BRD9: variants seen among roughly 807,000 people sequenced by gnomAD.
BRD9 encodes bromodomain-containing protein 9.
BRD9 carries 47 observed loss-of-function variants against 68.7 expected under a neutral mutation model. That is an observed-to-expected ratio of 0.68 (90% CI 0.54 to 0.87). The LOEUF is 0.87. Among genes scored for constraint, BRD9 ranks in the 40% least tolerant of loss-of-function variants. The pLI, the probability that BRD9 is intolerant of heterozygous loss-of-function variation, is 0.00. For missense variants in BRD9, 670 were observed against 748.4 expected (o/e 0.90, Z 1.22); for synonymous variants, 313 against 293.9 (o/e 1.06, Z -0.67).
At chr5:883,522 G>A (rs74834167) in intron 8 of BRD9, 37,431 of 437,810 alleles carry the variant, frequency 0.085, 2,530 homozygotes, top group Admixed American at 0.19. Flanking sequence ...CAGGAGCCAC[G>A]TGAACACAGT....
intron 8 of BRD9, 28 bp downstream of exon 8, chr5:883,910 C>A (rs754501994): frequency 6.2e-7 from 1 of 1,602,840 alleles, no homozygotes; most frequent in African/African-American, 1.3e-5. Context: ...CCACGTGGCA[C>A]CCTCTCTCGG....
intron 14 of BRD9, among the ~76,000 whole-genome samples, chr5:867,807 A>G (rs1476555344): frequency 6.6e-6 from 1 of 152,240 alleles, no homozygotes; most frequent in Non-Finnish European, 1.5e-5. Flanking sequence ...GGCAGAAGTA[A>G]CTTGCCTTGT....
intron 11 of BRD9, 76 bp downstream of exon 11, chr5:878,279 G>A (rs1751270953): frequency 2.5e-6 from 4 of 1,587,736 alleles, no homozygotes; most frequent in African/African-American, 1.3e-5. Flanking sequence ...CCGCACACAT[G>A]TGGGACTCCA....
At chr5:883,782 C>T (rs897271356) in intron 8 of BRD9, 156 bp downstream of exon 8, 4 of 1,067,800 alleles carry the variant, frequency 3.7e-6, no homozygotes, top group Admixed American at 2.5e-5. Context: ...AGAGACCAGC[C>T]TTATGTGTGT....
At chr5:884,845 C>T (rs955686393) in intron 7 of BRD9, among the ~76,000 whole-genome samples, 1 of 152,274 alleles carries the variant, frequency 6.6e-6, no homozygotes, top group Admixed American at 6.5e-5. Context: ...TCCACTCAGG[C>T]ACCTGCGTGA....
intron 3 of BRD9, 178 bp from the exon 4 acceptor site, chr5:889,825 G>C: frequency 1.5e-6 from 2 of 1,359,548 alleles, no homozygotes; most frequent in Non-Finnish European, 9.9e-7. Flanking sequence ...CAGCCGGGTA[G>C]AAAGGGCACC....
chr5:892,415 G>T (rs1244396828), intron 1 of BRD9, 191 bp downstream of exon 1: 6 of 1,285,230 alleles, frequency 4.7e-6, no homozygotes, highest in Non-Finnish European at 6.1e-6. Flanking sequence ...GAACGTAAGC[G>T]CCTACCCAGG....
chr5:868,236 A>G (rs1459633244), intron 14 of BRD9, among the ~76,000 whole-genome samples: 1 of 152,180 alleles, frequency 6.6e-6, no homozygotes, highest in Non-Finnish European at 1.5e-5. Flanking sequence ...CATGCCTCCC[A>G]AACAGCCTGA....
chr5:875,793 T>C (rs1364387844), intron 12 of BRD9, among the ~76,000 whole-genome samples: 2 of 152,206 alleles, frequency 1.3e-5, no homozygotes, highest in Non-Finnish European at 2.9e-5. Flanking sequence ...TGCTGAGAGA[T>C]CACTGTCAGT....
intron 1 of BRD9, 94 bp downstream of exon 1, chr5:892,512 G>T (rs1422881888): frequency 8.1e-6 from 12 of 1,487,404 alleles, no homozygotes; most frequent in Non-Finnish European, 1.8e-6. Flanking sequence ...CCAGGACCTC[G>T]CCCGGTGCCC....
intron 2 of BRD9, 160 bp from the exon 3 acceptor site, chr5:891,447 G>A: frequency 7.5e-7 from 1 of 1,330,212 alleles, no homozygotes; most frequent in Non-Finnish European, 1.0e-6. Flanking sequence ...GACCCTGGCA[G>A]GGTCTGCTGA....
chr5:871,660 G>A, intron 12 of BRD9, 96 bp from the exon 13 acceptor site: 1 of 1,171,314 alleles, frequency 8.5e-7, no homozygotes, highest in Non-Finnish European at 1.3e-6. Flanking sequence ...AATGGCTTGT[G>A]CGCTTCTGCG....
intron 12 of BRD9, 133 bp from the exon 13 acceptor site, chr5:871,697 T>G (rs1319213130): frequency 2.4e-6 from 2 of 838,344 alleles, no homozygotes; most frequent in Non-Finnish European, 4.0e-6. Flanking sequence ...CACACCATCT[T>G]AATGGATTAA....
intron 11 of BRD9, among the ~76,000 whole-genome samples, chr5:877,635 C>T (rs73733925): frequency 0.038 from 5,717 of 152,238 alleles, 340 homozygotes; most frequent in African/African-American, 0.13. Context: ...CAACATTCTA[C>T]GGAAAAGCAG....
chr5:869,199 C>A (rs1284352482), intron 14 of BRD9: 5 of 391,278 alleles, frequency 1.3e-5, no homozygotes, highest in Non-Finnish European at 2.0e-5. Context: ...CAAAGTCAAC[C>A]TGGAAAATGA....
In BRD9 at chr5:891,854, T is replaced by G; in HGVS notation, c.53A>C (p.Asp18Ala). 1 of 1,549,994 alleles carries G rather than the reference T, an allele frequency of 6.5e-7. No individual in the cohort carries two copies. The highest frequency in any genetic ancestry group is 2.5e-5 in the East Asian group (1 of 40,768). Residue 18 changes from aspartate to alanine, a missense_variant and splice_region_variant, in exon 2 of 16, where the codon GAT becomes GCT. Transcript: ENST00000467963. ...HKAEWRSSYE[D>A]YADKPLEKPL... ...CTTCTCCAGGGGCTTGTCGGCATAA[T>G]CTGCACAGACACAGACCGAGTTCTA... is the stretch of plus-strand genomic sequence containing the variant.
At chr5:890,606 C>A (rs1228085656) in intron 3 of BRD9, among the ~76,000 whole-genome samples, 1 of 152,254 alleles carries the variant, frequency 6.6e-6, no homozygotes, top group East Asian at 1.9e-4. Context: ...TCCTTTGTCT[C>A]AGCCTATGGT....
intron 1 of BRD9, 86 bp downstream of exon 1, chr5:892,520 C>A (rs1753613447): frequency 6.7e-7 from 1 of 1,498,148 alleles, no homozygotes; most frequent in Non-Finnish European, 8.9e-7. Context: ...TCGCCCGGTG[C>A]CCAGGACCCC....
chr5:867,188 G>C (rs1314663414), intron 14 of BRD9, among the ~76,000 whole-genome samples: 1 of 152,352 alleles, frequency 6.6e-6, no homozygotes, highest in East Asian at 1.9e-4. Context: ...CTTCCACATG[G>C]TGTTGGGTAT....
Sources: gnomAD v4.1 joint callset for allele counts (sites outside exome capture counted in the v4.1 genomes callset) on GRCh38, gnomAD v4.1.1 for gene constraint, MANE v1.5 for transcripts, NCBI Gene and HGNC (gene_info 2026-07-23, HGNC 2026-07-21) for gene names.